The following ANKS1B variants were observed in gnomAD, a reference collection of about 807,000 sequenced individuals.
ANKS1B encodes the protein ankyrin repeat and sterile alpha motif domain containing 1B.
ANKS1B carries 36 observed loss-of-function variants against 148.3 expected under a neutral mutation model. The ratio of observed to expected loss-of-function variants is 0.24; its 90% CI spans 0.19 to 0.32. The LOEUF is 0.32. ANKS1B is among the 10% of genes least tolerant of loss of function. The probability of loss-of-function intolerance (pLI) is 1.00; values close to 1 mark genes in which losing one functional copy is unlikely to be tolerated. For synonymous variants in ANKS1B, 542 were observed against 560.8 expected, an observed-to-expected ratio of 0.97 and a Z score of 0.47; for missense variants, 1,157 against 1,542.6, an observed-to-expected ratio of 0.75 and a Z score of 4.19.
intron 1 of ANKS1B, among the ~76,000 whole-genome samples, chr12:99,856,577 C>T (rs1202532543): frequency 6.6e-6 from 1 of 151,830 alleles, no homozygotes; most frequent in Non-Finnish European, 1.5e-5. Context: ...AAGGAAGTAA[C>T]AAAAAAAGAA....
At chr12:99,142,701 A>G (rs535412596) in intron 15 of ANKS1B, among the ~76,000 whole-genome samples, 51 of 152,284 alleles carry the variant, frequency 3.3e-4, no homozygotes, top group African/African-American at 1.2e-3. Flanking sequence ...ATTACAATTA[A>G]TTACCAGGAA....
chr12:98,748,449 C>A (rs1187861488), intron 26 of ANKS1B, among the ~76,000 whole-genome samples: 1 of 152,180 alleles, frequency 6.6e-6, no homozygotes, highest in East Asian at 1.9e-4. Flanking sequence ...ACCATGGCTG[C>A]CTCTTCCTTT....
At chr12:99,836,757 A>T (rs1028736376) in intron 1 of ANKS1B, among the ~76,000 whole-genome samples, 1 of 152,170 alleles carries the variant, frequency 6.6e-6, no homozygotes, top group Admixed American at 6.5e-5. Context: ...CTCCCAGCCC[A>T]TATTTTCTCT....
intron 10 of ANKS1B, among the ~76,000 whole-genome samples, chr12:99,457,566 G>A (rs1425719380): frequency 1.3e-5 from 2 of 151,940 alleles, no homozygotes; most frequent in Non-Finnish European, 2.9e-5. Flanking sequence ...ATAAACGTAA[G>A]GTAAAGGGGT....
chr12:99,105,290 C>T (rs745305595), intron 15 of ANKS1B, among the ~76,000 whole-genome samples: 6 of 151,990 alleles, frequency 3.9e-5, no homozygotes, highest in African/African-American at 9.7e-5. Flanking sequence ...CTTGGGTACC[C>T]GTTTTTTCAT....
At chr12:99,828,013 G>C (rs1736667583) in intron 1 of ANKS1B, among the ~76,000 whole-genome samples, 1 of 152,064 alleles carries the variant, frequency 6.6e-6, no homozygotes, top group African/African-American at 2.4e-5. Flanking sequence ...CAGCTCTATA[G>C]GTAATAGCCT....
chr12:99,772,841 C>G, intron 8 of ANKS1B, 81 bp downstream of exon 8: 1 of 1,346,632 alleles, frequency 7.4e-7, no homozygotes, highest in Non-Finnish European at 1.0e-6. Flanking sequence ...TGATAATGCA[C>G]CACATCCCAT....
At chr12:98,752,263 T>TC (rs2098113751) in intron 25 of ANKS1B, among the ~76,000 whole-genome samples, 2 of 100,156 alleles carry the variant, frequency 2.0e-5, no homozygotes, top group African/African-American at 4.8e-5. Context: ...GCATTTTTTT[T>TC]CTTTTTTTTT....
chr12:99,584,398 G>A (rs2097603846), intron 9 of ANKS1B, among the ~76,000 whole-genome samples: 1 of 152,116 alleles, frequency 6.6e-6, no homozygotes, highest in African/African-American at 2.4e-5. Flanking sequence ...CCAGGAGTTT[G>A]AGATGAGCCT....
At chr12:99,609,209 A>G (rs1463497216) in intron 9 of ANKS1B, among the ~76,000 whole-genome samples, 1 of 151,990 alleles carries the variant, frequency 6.6e-6, no homozygotes, top group Admixed American at 6.6e-5. Context: ...ACTTAAATTG[A>G]CTTTTCACCA....
At chr12:99,771,107 A>G (rs1293239937) in intron 8 of ANKS1B, among the ~76,000 whole-genome samples, 1 of 152,120 alleles carries the variant, frequency 6.6e-6, no homozygotes, top group Non-Finnish European at 1.5e-5. Flanking sequence ...AGAAGCTTGA[A>G]TCATGGTCTC....
chr12:99,914,953 C>T (rs1261378157), intron 1 of ANKS1B, among the ~76,000 whole-genome samples: 1 of 152,086 alleles, frequency 6.6e-6, no homozygotes, highest in Non-Finnish European at 1.5e-5. Context: ...CTGTAAGGCG[C>T]AGTGGCTCAC....
At chr12:99,414,107 G>C (rs1026751666) in intron 11 of ANKS1B, among the ~76,000 whole-genome samples, 1 of 151,224 alleles carries the variant, frequency 6.6e-6, no homozygotes, top group East Asian at 1.9e-4. Context: ...CCATCAATCA[G>C]AGCAGTTATA....
chr12:99,227,071 T>C (rs1028130495), intron 14 of ANKS1B, among the ~76,000 whole-genome samples: 9 of 152,144 alleles, frequency 5.9e-5, no homozygotes, highest in African/African-American at 2.2e-4. Flanking sequence ...AGTGTATTGT[T>C]CAGTTTCACA....
chr12:98,975,618 A>C (rs1467140925), intron 17 of ANKS1B, among the ~76,000 whole-genome samples: 3 of 152,136 alleles, frequency 2.0e-5, no homozygotes, highest in Non-Finnish European at 2.9e-5. Context: ...AATGCTACGA[A>C]GGGAAAGTCA....
intron 8 of ANKS1B, among the ~76,000 whole-genome samples, chr12:99,762,937 A>T (rs544633256): frequency 6.6e-6 from 1 of 152,280 alleles, no homozygotes; most frequent in South Asian, 2.1e-4. Flanking sequence ...AATCAAAACC[A>T]TTGAATGCAA....
intron 2 of ANKS1B, among the ~76,000 whole-genome samples, chr12:99,815,067 A>T (rs1199547003): frequency 6.6e-6 from 1 of 151,720 alleles, no homozygotes; most frequent in Non-Finnish European, 1.5e-5. Context: ...TTCTGAAACA[A>T]CTTCTCCTAT....
At position 98,801,082 on chromosome 12, in the gene ANKS1B, T is replaced by C. The variant is rs2099001370; in HGVS notation, c.3185A>G (p.Asn1062Ser). Residue 1062 changes from asparagine (N) to serine (S), a missense_variant, in exon 21 of 27, where the codon AAT (asparagine) becomes AGT (serine). This residue lies in a region of ANKS1B where 258 missense variants were observed against 497.0 expected (regional missense o/e 0.52). Transcript: ENST00000683438. This position sits in a 1 kb window ranked among gnomAD's most constrained non-coding sequence, Gnocchi z 5.2. ...TACCGGGGTAGAGGCTGTGGCTTCATTCGGAGGTCGCAAGGTAATGGAAGG... is the reference window on the plus strand; with the variant it reads ...TACCGGGGTAGAGGCTGTGGCTTCACTCGGAGGTCGCAAGGTAATGGAAGG... ...GEPSITLRPP[N>S]EATASTPVQY... The C allele has an allele frequency of 5.6e-6, 9 of 1,612,782 alleles. No individual in the cohort carries two copies. The highest frequency in any genetic ancestry group is 5.9e-6 in the Non-Finnish European group (7 of 1,179,472).
At chr12:99,882,355 T>G (rs2092568140) in intron 1 of ANKS1B, among the ~76,000 whole-genome samples, 1 of 152,172 alleles carries the variant, frequency 6.6e-6, no homozygotes, top group Non-Finnish European at 1.5e-5. Context: ...AAAAACAATG[T>G]AATTGCTAAA....
Sources: allele counts gnomAD v4.1 joint callset (sites outside exome capture counted in the v4.1 genomes callset), GRCh38; gene constraint gnomAD v4.1.1; regional missense constraint gnomAD v4.1.1; non-coding constraint Gnocchi (gnomAD v3.1); transcripts MANE v1.5; gene names NCBI Gene and HGNC (gene_info 2026-07-23, HGNC 2026-07-21).